SH3YL1: variants seen among roughly 807,000 people sequenced by gnomAD.
SH3YL1 encodes SH3 and SYLF domain containing 1, also known as SH3 domain-containing YSC84-like protein 1.
Under a neutral mutation model 45.8 loss-of-function variants are expected in SH3YL1, and 41 were observed. The observed-to-expected ratio is 0.89, with a 90% CI of 0.70 to 1.16. The LOEUF is 1.16. Ranked by LOEUF, SH3YL1 falls within the 50% of genes most tolerant of loss-of-function variation. SH3YL1 has a pLI of 0.00. For missense variants in SH3YL1, 389 were observed against 409.6 expected (o/e 0.95, Z 0.43); for synonymous variants, 152 against 151.4 (o/e 1.00, Z -0.03).
At chr2:227,974 T>G (rs1572144545) in intron 8 of SH3YL1, among the ~76,000 whole-genome samples, 1 of 152,210 alleles carries the variant, frequency 6.6e-6, no homozygotes, top group Admixed American at 6.5e-5. Context: ...AAAGGTCAGA[T>G]TTAACATAAA....
intron 2 of SH3YL1, 44 bp from the exon 3 acceptor site, chr2:249,888 T>C: frequency 2.3e-6 from 3 of 1,326,314 alleles, no homozygotes; most frequent in Non-Finnish European, 2.1e-6. Context: ...TTTTGATCTA[T>C]GTGCCTGGAT....
intron 8 of SH3YL1, among the ~76,000 whole-genome samples, chr2:227,634 C>A (rs949001270): frequency 6.6e-6 from 1 of 151,956 alleles, no homozygotes; most frequent in African/African-American, 2.4e-5. Flanking sequence ...TTTTATGAGA[C>A]AAAAATATTC....
intron 4 of SH3YL1, among the ~76,000 whole-genome samples, chr2:246,174 A>G (rs561138729): frequency 3.9e-5 from 6 of 151,968 alleles, no homozygotes; most frequent in East Asian, 1.9e-4. Context: ...CAGCCTGGGT[A>G]ACAAGAGTGA....
upstream of SH3YL1, chr2:264,746 A>T: frequency 3.8e-6 from 2 of 520,132 alleles, no homozygotes; most frequent in Non-Finnish European, 6.7e-6. Context: ...CAGTCCCTGC[A>T]GGTGACCCGC....
At chr2:236,178 G>A in intron 4 of SH3YL1, among the ~76,000 whole-genome samples, 1 of 84,346 alleles carries the variant, frequency 1.2e-5, no homozygotes, top group Non-Finnish European at 2.8e-5. Context: ...GGAGGCAGCA[G>A]CACGGGCCAG....
chr2:224,783 A>G, intron 9 of SH3YL1, 81 bp downstream of exon 9: 1 of 1,049,058 alleles, frequency 9.5e-7, no homozygotes, highest in Non-Finnish European at 1.5e-6. Flanking sequence ...AGAGATTTTC[A>G]TAACCTGTCA....
chr2:243,015 C>A, intron 4 of SH3YL1: 1 of 527,332 alleles, frequency 1.9e-6, no homozygotes, highest in Non-Finnish European at 3.0e-6. Context: ...ATCGGAGACC[C>A]AAATACATGA....
At chr2:260,817 G>A (rs577376376) in intron 1 of SH3YL1, 85 of 152,384 alleles carry the variant, frequency 5.6e-4, no homozygotes, top group African/African-American at 1.8e-3. Flanking sequence ...CAACCAAGCA[G>A]TATTAGAGCA....
rs750535959 is a variant in SH3YL1, at chr2:234,281, T to C, written c.292-9A>G. ...ATCACCAAGTCTGATACCTAAAGTGTAGAAACCCATGGATTTAAAAATCGT... is the reference window on the plus strand; with the variant it reads ...ATCACCAAGTCTGATACCTAAAGTGCAGAAACCCATGGATTTAAAAATCGT... On this transcript the variant is annotated splice_polypyrimidine_tract_variant and intron_variant, in intron 4 of 9. Coordinates refer to ENST00000356150, the MANE Select transcript of SH3YL1 (RefSeq NM_015677.4). 3 of 1,592,634 alleles carry C rather than the reference T, an allele frequency of 1.9e-6. No homozygotes were observed. Among genetic ancestry groups the C allele is most frequent in the South Asian group, 2.3e-5 (2 of 88,242 alleles).
rs772842234 is a variant in SH3YL1 at position 218,987 on chromosome 2, G to A, written c.853C>T (p.Pro285Ser). The A allele has an allele frequency of 2.5e-6, 4 of 1,606,352 alleles. No individual in the cohort carries two copies. In the African/African-American group the frequency reaches 5.4e-5, roughly 22 times the overall value. ...GAATACAGCGCTGTCACTTCTATGGGTTGATTCAAATTGCCTGAAACAAGA... is the reference window on the plus strand; with the variant it reads ...GAATACAGCGCTGTCACTTCTATGGATTGATTCAAATTGCCTGAAACAAGA... ...YHERVGNLNQ[P>S]IEVTALYSFE... Residue 285 changes from proline to serine, a missense_variant, in exon 10 of 10, where the codon CCC (proline) becomes TCC (serine). Transcript: ENST00000356150.
intron 4 of SH3YL1, chr2:243,477 T>C: frequency 6.7e-7 from 1 of 1,501,286 alleles, no homozygotes; most frequent in Non-Finnish European, 8.9e-7. Context: ...TATTTTGAGA[T>C]TAAGGAAAAT....
At chr2:259,905 G>C (rs897938977) in intron 1 of SH3YL1, 4 of 151,712 alleles carry the variant, frequency 2.6e-5, no homozygotes, top group African/African-American at 9.7e-5. Flanking sequence ...AGGAATTATA[G>C]AATTTTTTTT....
chr2:242,880 C>A, intron 4 of SH3YL1: 5 of 1,465,310 alleles, frequency 3.4e-6, no homozygotes, highest in Admixed American at 5.5e-5. Context: ...CTCTTTATAT[C>A]AAACAACAAA....
chr2:256,948 G>A (rs989595463), intron 1 of SH3YL1, among the ~76,000 whole-genome samples: 1 of 152,038 alleles, frequency 6.6e-6, no homozygotes, highest in African/African-American at 2.4e-5. Context: ...CTTTCACTGT[G>A]GATTTAATTT....
In SH3YL1 at chr2:218,605, T is replaced by A; in HGVS notation, c.*206A>T. On this transcript the variant is annotated 3_prime_UTR_variant, in exon 10 of 10. Coordinates refer to ENST00000356150, the MANE Select transcript of SH3YL1 (RefSeq NM_015677.4). ...AACTGTATGATATTCTATGACACAG[T>A]AAGTGTGATAAAGTTAGTACAAAGT... is the stretch of plus-strand genomic sequence containing the variant. The A allele has an allele frequency of 1.9e-6, 1 of 520,678 alleles. No homozygotes were observed. Among genetic ancestry groups the A allele is most frequent in the Middle Eastern group, 5.0e-4 (1 of 2,014 alleles). The allele number at this position is 520,678 out of a possible 1,614,324, so 32.3% of individuals were successfully genotyped here. A position where few individuals can be genotyped will look rare whatever the true frequency, so the allele number is the denominator to read the frequency against.
Position 218,936 on chromosome 2 carries a change from A to G in SH3YL1, c.904T>C (p.Leu302=). The change falls in exon 10 of 10, where the codon TTG becomes CTG. Residue 302 remains leucine, a synonymous_variant. Transcript: ENST00000356150. ...YSFEGQQPGD[L]NFQAGDRITV... ...ATTCTGTCTCCAGCTTGAAAATTCA[A>G]ATCCCCAGGCTGCTGTCCTTCAAAT... 3 of 1,614,140 alleles carry G rather than the reference A, an allele frequency of 1.9e-6. No individual in the cohort carries two copies. The highest frequency in any genetic ancestry group is 2.5e-6 in the Non-Finnish European group (3 of 1,180,020).
At chr2:224,787 C>T (rs540379522) in intron 9 of SH3YL1, 77 bp downstream of exon 9, 199 of 1,059,446 alleles carry the variant, frequency 1.9e-4, no homozygotes, top group South Asian at 1.6e-3. Context: ...ATTTTCATAA[C>T]CTGTCAGATT....
At chr2:232,800 T>C (rs1040020040) in intron 6 of SH3YL1, 8 of 171,030 alleles carry the variant, frequency 4.7e-5, no homozygotes, top group Non-Finnish European at 1.2e-5. Context: ...ATGGTGATTA[T>C]CATCATATAT....
At chr2:231,531 C>A (rs1290606962) in intron 6 of SH3YL1, among the ~76,000 whole-genome samples, 1 of 152,084 alleles carries the variant, frequency 6.6e-6, no homozygotes, top group Non-Finnish European at 1.5e-5. Context: ...TACACACAAG[C>A]ACATACATTT....
Sources: allele counts gnomAD v4.1 joint callset (sites outside exome capture counted in the v4.1 genomes callset), GRCh38; gene constraint gnomAD v4.1.1; transcripts MANE v1.5; gene names NCBI Gene and HGNC (gene_info 2026-07-23, HGNC 2026-07-21).